FAF2: variants seen among roughly 807,000 people sequenced by gnomAD.
FAF2 encodes the protein FAS-associated factor 2.
In FAF2, 9 loss-of-function variants were observed where a neutral mutation model predicts 62.3. The observed-to-expected ratio is 0.14, with a 90% CI of 0.09 to 0.25. The LOEUF is 0.25. Ranked by LOEUF, FAF2 falls within the 10% of genes least tolerant of loss-of-function variation. The pLI is 1.00. For synonymous variants in FAF2, 202 were observed against 198.0 expected, an observed-to-expected ratio of 1.02 and a Z score of -0.17; for missense variants, 368 against 556.2, an observed-to-expected ratio of 0.66 and a Z score of 3.40.
At chr5:176,501,133 A>T (rs745998153) in intron 10 of FAF2, among the ~76,000 whole-genome samples, 1,763 of 151,054 alleles carry the variant, frequency 0.012, 35 homozygotes, top group African/African-American at 0.038. Context: ...AAAAAAAAAT[A>T]AATAATAATA....
intron 8 of FAF2, among the ~76,000 whole-genome samples, chr5:176,498,660 G>A (rs1007118412): frequency 2.6e-5 from 4 of 152,154 alleles, no homozygotes; most frequent in Non-Finnish European, 5.9e-5. Context: ...AGAATTAGGG[G>A]AAAAGTTTTA....
chr5:176,480,814 G>GGGGGGCTA (rs1236646552), intron 2 of FAF2, among the ~76,000 whole-genome samples: 2 of 137,222 alleles, frequency 1.5e-5, no homozygotes, highest in Non-Finnish European at 1.6e-5. Flanking sequence ...GTGGGGGGCT[G>GGGGGGCTA]GGGGGCTAGG....
chr5:176,484,314 A>C (rs1758836848), intron 2 of FAF2, among the ~76,000 whole-genome samples: 1 of 152,138 alleles, frequency 6.6e-6, no homozygotes, highest in African/African-American at 2.4e-5. Context: ...ACAATTCATA[A>C]GTTTTAAAAT....
intron 2 of FAF2, among the ~76,000 whole-genome samples, chr5:176,480,788 C>G (rs900095788): frequency 1.3e-5 from 1 of 78,490 alleles, no homozygotes; most frequent in African/African-American, 5.1e-5. Context: ...ACATCACACA[C>G]GGGGCCTCTC....
chr5:176,498,842 A>G (rs759488319), intron 8 of FAF2, 72 bp from the exon 9 acceptor site: 4 of 1,375,772 alleles, frequency 2.9e-6, no homozygotes, highest in Non-Finnish European at 3.9e-6. Context: ...CACACAGAAG[A>G]TTTCAATATA....
chr5:176,482,330 G>C (rs997484365), intron 2 of FAF2, among the ~76,000 whole-genome samples: 1 of 150,516 alleles, frequency 6.6e-6, no homozygotes, highest in Non-Finnish European at 1.5e-5. Context: ...TAATTTTCCT[G>C]CCTCAGCCTC....
At chr5:176,458,258 T>C (rs1007976398) in intron 1 of FAF2, among the ~76,000 whole-genome samples, 3 of 151,774 alleles carry the variant, frequency 2.0e-5, no homozygotes, top group African/African-American at 7.3e-5. Flanking sequence ...ATTTTTGTAT[T>C]TTTAGTAGAG....
At chr5:176,474,447 C>T (rs1414515300) in intron 1 of FAF2, among the ~76,000 whole-genome samples, 3 of 120,158 alleles carry the variant, frequency 2.5e-5, no homozygotes, top group African/African-American at 1.2e-4. Flanking sequence ...TTTCTTAGCA[C>T]CCCCCTTCCC....
At chr5:176,476,096 A>G (rs982300921) in intron 1 of FAF2, among the ~76,000 whole-genome samples, 1 of 152,118 alleles carries the variant, frequency 6.6e-6, no homozygotes, top group African/African-American at 2.4e-5. Context: ...TCTCTACCCA[A>G]GAAAAATAGA....
intron 1 of FAF2, among the ~76,000 whole-genome samples, chr5:176,468,906 T>C (rs2113725201): frequency 1.3e-5 from 2 of 152,214 alleles, no homozygotes. Flanking sequence ...ATCATGCTAC[T>C]GTACTCCAGA....
At chr5:176,449,990 T>C (rs187284659) in intron 1 of FAF2, among the ~76,000 whole-genome samples, 201 of 152,352 alleles carry the variant, frequency 1.3e-3, no homozygotes, top group Middle Eastern at 3.4e-3. Flanking sequence ...TTTAAAGCTA[T>C]GTCCATCTTC....
At position 176,494,166 on chromosome 5, in the gene FAF2, T is replaced by A. The variant is rs775199252; in HGVS notation, c.570-18T>A. ...AGTCAGCAAGTTGTTCTCATATCCT[T>A]TTCATACCTTTCCACAGCAACACAC... On this transcript the variant is annotated intron_variant, in intron 6 of 10. Coordinates refer to ENST00000261942, the MANE Select transcript of FAF2 (RefSeq NM_014613.3). The surrounding 1 kb of genome is among the most constrained non-coding windows in gnomAD (Gnocchi z 4.0). 6.2e-6 allele frequency: 10 copies of A among 1,613,386 alleles called. No homozygotes were observed. Among genetic ancestry groups the A allele is most frequent in the Non-Finnish European group, 8.5e-6 (10 of 1,179,308 alleles).
At chr5:176,491,726 C>T (rs1412006358) in intron 4 of FAF2, among the ~76,000 whole-genome samples, 1 of 152,146 alleles carries the variant, frequency 6.6e-6, no homozygotes, top group Non-Finnish European at 1.5e-5. Flanking sequence ...CTGTTGAGCA[C>T]TTGAAATGTG....
chr5:176,485,598 A>G (rs551704803), intron 2 of FAF2, among the ~76,000 whole-genome samples: 55 of 152,304 alleles, frequency 3.6e-4, no homozygotes, highest in Admixed American at 6.5e-4. Context: ...TTTAAACTGA[A>G]TATCAGTAGT....
At position 176,499,946 on chromosome 5, in the gene FAF2, T is replaced by C. The variant is rs1581075801; in HGVS notation, c.1012-57T>C. On this transcript the variant is annotated intron_variant, in intron 9 of 10. Transcript: ENST00000261942. ...CTGACGACTGCGTAATAAAGCTACA[T>C]GGTCATTGTATTTATTTCTTGAGCT... The C allele has an allele frequency of 1.9e-6, 3 of 1,591,532 alleles. No homozygotes were observed. In the South Asian group the frequency reaches 3.4e-5, roughly 18 times the overall value.
At chr5:176,468,640 G>A (rs1160267433) in intron 1 of FAF2, among the ~76,000 whole-genome samples, 1 of 151,950 alleles carries the variant, frequency 6.6e-6, no homozygotes, top group East Asian at 1.9e-4. Flanking sequence ...CCTTTTAAAA[G>A]TGAATTATGG....
At chr5:176,458,079 CCTCTTCTCCCTT>C (rs141017342) in intron 1 of FAF2, among the ~76,000 whole-genome samples, 2,618 of 152,180 alleles carry the variant, frequency 0.017, 67 homozygotes, top group African/African-American at 0.06. Context: ...TCTTTTCACT[CCTCTTCTCCCTT>C]CTCTTCTCTT....
At position 176,494,519 on chromosome 5, in the gene FAF2, A is replaced by G. The variant is rs781445749; in HGVS notation, c.661+244A>G. 1.6e-4 allele frequency among the ~76,000 whole-genome samples: 24 copies of G among 152,294 alleles called. No homozygotes were observed. Among genetic ancestry groups the G allele is most frequent in the Admixed American group, 3.9e-4 (6 of 15,278 alleles). On this transcript the variant is annotated intron_variant, in intron 7 of 10. Coordinates refer to ENST00000261942, the MANE Select transcript of FAF2 (RefSeq NM_014613.3). The surrounding 1 kb of genome is among the most constrained non-coding windows in gnomAD (Gnocchi z 4.0). Reference sequence around the variant, plus strand: ...CAAGCCACTGGCTGAAGATCACACAATTAGCAAGTTTTATTTTTTTTGTTT... The same window carrying G: ...CAAGCCACTGGCTGAAGATCACACAGTTAGCAAGTTTTATTTTTTTTGTTT...
intron 1 of FAF2, among the ~76,000 whole-genome samples, chr5:176,455,267 C>A (rs1242207591): frequency 6.6e-6 from 1 of 152,132 alleles, no homozygotes; most frequent in Non-Finnish European, 1.5e-5. Context: ...GAAACCTCAT[C>A]TCTACTAAAA....
Sources: gnomAD v4.1 joint callset for allele counts (sites outside exome capture counted in the v4.1 genomes callset) on GRCh38, gnomAD v4.1.1 for gene constraint, Gnocchi (gnomAD v3.1) non-coding constraint, MANE v1.5 for transcripts, NCBI Gene and HGNC (gene_info 2026-07-23, HGNC 2026-07-21) for gene names.